Variants in BRIP1 observed in about 807,000 individuals in gnomAD.
BRIP1 encodes the protein Fanconi anemia group J protein.
A neutral mutation model predicts 119.7 loss-of-function variants in BRIP1; 88 were observed. The ratio of observed to expected loss-of-function variants is 0.74; its 90% CI spans 0.62 to 0.88. The LOEUF (loss-of-function observed/expected upper bound fraction) is 0.88, where lower values mean the gene tolerates loss of function less well. Among genes scored for constraint, BRIP1 ranks in the 40% least tolerant of loss-of-function variants. BRIP1 has a pLI of 0.00. For synonymous variants in BRIP1, 443 were observed against 496.5 expected (o/e 0.89, Z 1.43); for missense variants, 1,259 against 1,455.4 (o/e 0.87, Z 2.20).
intron 11 of BRIP1, among the ~76,000 whole-genome samples, chr17:61,782,652 T>TCAA (rs1259049721): frequency 6.6e-6 from 1 of 151,778 alleles, no homozygotes; most frequent in South Asian, 2.1e-4. Flanking sequence ...TAACTACAGC[T>TCAA]CAACAACAAC....
rs531167246 is a variant in BRIP1, at chr17:61,780,530, C to A, written c.1795-129G>T. 1.2e-6 allele frequency: 1 copy of A among 859,632 alleles called. No individual in the cohort carries two copies. Among genetic ancestry groups the A allele is most frequent in the East Asian group, 2.6e-5 (1 of 39,112 alleles). The allele number at this position is 859,632 out of a possible 1,614,324, so 53.3% of individuals were successfully genotyped here. Reference sequence around the variant, plus strand: ...ATCGCTTGAGTCTAGGAGTCTGAGACCAGCCTGGGCAATATGGTGAAACCC... The same window carrying A: ...ATCGCTTGAGTCTAGGAGTCTGAGAACAGCCTGGGCAATATGGTGAAACCC... On this transcript the variant is annotated intron_variant, in intron 12 of 19. Transcript: ENST00000259008. This position sits in a 1 kb window ranked among gnomAD's most constrained non-coding sequence, Gnocchi z 5.4.
chr17:61,772,576 T>C (rs2144981836), intron 14 of BRIP1, among the ~76,000 whole-genome samples: 1 of 152,212 alleles, frequency 6.6e-6, no homozygotes, highest in South Asian at 2.1e-4. Context: ...CCCAGCACTT[T>C]GGGAGGCCAA....
At position 61,757,360 on chromosome 17, in the gene BRIP1, T is replaced by G. The variant is rs949326922; in HGVS notation, c.2098-12769A>C. Among the ~76,000 whole-genome samples the G allele has an allele frequency of 6.6e-6, 1 of 152,152 alleles. No homozygotes were observed. The highest frequency in any genetic ancestry group is 2.4e-5 in the African/African-American group (1 of 41,448). On this transcript the variant is annotated intron_variant, in intron 14 of 19. Coordinates refer to ENST00000259008, the MANE Select transcript of BRIP1 (RefSeq NM_032043.3). The surrounding 1 kb of genome is among the most constrained non-coding windows in gnomAD (Gnocchi z 4.3). The stretch of plus-strand genomic sequence containing the variant: ...GAATCAAACTTTCAATGAACACAGG[T>G]GCAGTTGGAGGTGCACTTGGAGGAA...
In BRIP1 at chr17:61,683,624, T is replaced by G. The variant is rs1034551306; in HGVS notation, c.3422A>C (p.Asp1141Ala). The stretch of plus-strand genomic sequence containing the variant: ...TAGGTCATTTTTTTCTTCATCTGTA[T>G]CTTCAGGATCATAAAGTTCAGGTGT... ...YFTPELYDPE[D>A]TDEEKNDLAE... Residue 1141 changes from aspartate to alanine, a missense_variant, in exon 20 of 20, where the codon GAT becomes GCT. By Grantham distance (126) the Asp-to-Ala change is moderately radical (BLOSUM62 -2). Around this residue, in one of 3 missense-constraint regions of BRIP1, gnomAD observed 753 missense variants for 891.8 expected, o/e 0.84. Transcript: ENST00000259008. The surrounding 1 kb of genome is among the most constrained non-coding windows in gnomAD (Gnocchi z 4.7). 6.2e-7 allele frequency: 1 copy of G among 1,612,434 alleles called. No individual in the cohort carries two copies.
In BRIP1 at chr17:61,832,134, C is replaced by T. The variant is rs575423499; in HGVS notation, c.627+14967G>A. On this transcript the variant is annotated intron_variant, in intron 6 of 19. Coordinates refer to ENST00000259008, the MANE Select transcript of BRIP1 (RefSeq NM_032043.3). The surrounding 1 kb of genome is among the most constrained non-coding windows in gnomAD (Gnocchi z 5.5). ...GGTTCCTTGGAGAAATGTCTGAATC[C>T]GAGACTAGGGCAGGGAAAATATAAG... is the stretch of plus-strand genomic sequence containing the variant. Among the ~76,000 whole-genome samples the T allele has an allele frequency of 6.6e-6, 1 of 152,134 alleles. No homozygotes were observed. Among genetic ancestry groups the T allele is most frequent in the African/African-American group, 2.4e-5 (1 of 41,480 alleles).
rs2077777408 is a variant in BRIP1, at chr17:61,789,126, G to GT, written c.1473+4470dup. On this transcript the variant is annotated intron_variant, in intron 10 of 19. Coordinates refer to ENST00000259008, the MANE Select transcript of BRIP1 (RefSeq NM_032043.3). This position sits in a 1 kb window ranked among gnomAD's most constrained non-coding sequence, Gnocchi z 4.8. ...AATAAAAAAATAAGTAATTAGCCAGGTGTGGTAATGCATGCCTGTAGTCCC... is the reference window on the plus strand; with the variant it reads ...AATAAAAAAATAAGTAATTAGCCAGGTTGTGGTAATGCATGCCTGTAGTCCC... Among the ~76,000 whole-genome samples the GT allele has an allele frequency of 6.6e-6, 1 of 151,838 alleles. No homozygotes were observed. Among genetic ancestry groups the GT allele is most frequent in the Non-Finnish European group, 1.5e-5 (1 of 67,954 alleles).
intron 14 of BRIP1, among the ~76,000 whole-genome samples, chr17:61,772,820 GA>G (rs71355193): frequency 3.8e-3 from 205 of 53,566 alleles, no homozygotes; most frequent in South Asian, 0.01. Context: ...TTCCATCTCA[GA>G]AAAAAAAAAA....
Position 61,858,858 on chromosome 17 carries a change from T to C in BRIP1, c.205+938A>G, listed in dbSNP as rs148192562. Among the ~76,000 whole-genome samples the C allele has an allele frequency of 5.1e-3, 782 of 152,276 alleles. 5 individuals carry two copies. The highest frequency in any genetic ancestry group is 0.01 in the Middle Eastern group (3 of 294). On this transcript the variant is annotated intron_variant, in intron 3 of 19. Coordinates refer to ENST00000259008, the MANE Select transcript of BRIP1 (RefSeq NM_032043.3). Reference sequence around the variant, plus strand: ...TTTCTGATTCATTATGTAGTTTATATAGTCTTTCATAGAAGTAAATATTAA... The same window carrying C: ...TTTCTGATTCATTATGTAGTTTATACAGTCTTTCATAGAAGTAAATATTAA...
At chr17:61,785,898 G>C (rs560737594) in intron 10 of BRIP1, among the ~76,000 whole-genome samples, 1 of 151,806 alleles carries the variant, frequency 6.6e-6, no homozygotes, top group South Asian at 2.1e-4. Flanking sequence ...CTCAATTCCA[G>C]TTAGCTTACC....
rs2077276431 is a variant in BRIP1, at chr17:61,761,492, T to C, written c.2097+14909A>G. ...CTGCCCCTGTTTGCTGAAGACATAA[T>C]CTTATATATAGAAACCCCTAAAGAC... On this transcript the variant is annotated intron_variant, in intron 14 of 19. Transcript: ENST00000259008. This position sits in a 1 kb window ranked among gnomAD's most constrained non-coding sequence, Gnocchi z 6.4. Among the ~76,000 whole-genome samples, 1 of 151,910 alleles carries C rather than the reference T, an allele frequency of 6.6e-6. No homozygotes were observed. Among genetic ancestry groups the C allele is most frequent in the South Asian group, 2.1e-4 (1 of 4,822 alleles).
chr17:61,783,655 C>T (rs1026082670), intron 11 of BRIP1, among the ~76,000 whole-genome samples: 2 of 151,904 alleles, frequency 1.3e-5, no homozygotes, highest in Non-Finnish European at 2.9e-5. Flanking sequence ...TCATTTTCCA[C>T]AGTTCATACA....
Position 61,751,301 on chromosome 17 carries a change from TAGAAC to T in BRIP1, c.2098-6715_2098-6711del, listed in dbSNP as rs2077128096. Among the ~76,000 whole-genome samples, 1 of 152,074 alleles carries T rather than the reference TAGAAC, an allele frequency of 6.6e-6. No homozygotes were observed. Among genetic ancestry groups the T allele is most frequent in the South Asian group, 2.1e-4 (1 of 4,828 alleles). On this transcript the variant is annotated intron_variant, in intron 14 of 19. Coordinates refer to ENST00000259008, the MANE Select transcript of BRIP1 (RefSeq NM_032043.3). This position sits in a 1 kb window ranked among gnomAD's most constrained non-coding sequence, Gnocchi z 6.7. The stretch of plus-strand genomic sequence containing the variant: ...TAGACAAATTCTTAGAGATGGGAAG[TAGAAC>T]AGAGGTTACCAGGGCCTGAGGGAAG...
rs150246080 is a variant in BRIP1, at chr17:61,843,666, T to G, written c.627+3435A>C. On this transcript the variant is annotated intron_variant, in intron 6 of 19. Coordinates refer to ENST00000259008, the MANE Select transcript of BRIP1 (RefSeq NM_032043.3). This position sits in a 1 kb window ranked among gnomAD's most constrained non-coding sequence, Gnocchi z 5.7. ...TCCATGTGACAAGTTTGCTCTCTCTTTGTCTTCTGGCATGCTTGTAAGCTT... is the reference window on the plus strand; with the variant it reads ...TCCATGTGACAAGTTTGCTCTCTCTGTGTCTTCTGGCATGCTTGTAAGCTT... Among the ~76,000 whole-genome samples the G allele has an allele frequency of 5.9e-5, 9 of 152,242 alleles. No individual in the cohort carries two copies. In the East Asian group the frequency reaches 1.7e-3, roughly 29 times the overall value.
At chr17:61,779,506 G>C (rs1318988573) in intron 13 of BRIP1, among the ~76,000 whole-genome samples, 1 of 152,176 alleles carries the variant, frequency 6.6e-6, no homozygotes, top group Non-Finnish European at 1.5e-5. Context: ...CATAATCCCA[G>C]CTACTCAGAA....
chr17:61,780,944 TATC>T lies in BRIP1; in HGVS notation c.1687_1689del (p.Asp563del), dbSNP rs780590493. 6.2e-7 allele frequency: 1 copy of T among 1,614,086 alleles called. No homozygotes were observed. On this transcript the variant is annotated inframe_deletion, in exon 12 of 20. Coordinates refer to ENST00000259008, the MANE Select transcript of BRIP1 (RefSeq NM_032043.3). This position sits in a 1 kb window ranked among gnomAD's most constrained non-coding sequence, Gnocchi z 5.4. Reference sequence around the variant, plus strand: ...ACCAACAACCCATTTTTGTCTGAAATATCAATCTGATTTGTCCAGGAGTAAGTC... The same window carrying T: ...ACCAACAACCCATTTTTGTCTGAAATAATCTGATTTGTCCAGGAGTAAGTC...
In BRIP1 at chr17:61,809,483, T is replaced by C. The variant is rs969816236; in HGVS notation, c.628-726A>G. Among the ~76,000 whole-genome samples, 2 of 152,132 alleles carry C rather than the reference T, an allele frequency of 1.3e-5. No homozygotes were observed. The highest frequency in any genetic ancestry group is 6.5e-5 in the Admixed American group (1 of 15,272). On this transcript the variant is annotated intron_variant, in intron 6 of 19. Coordinates refer to ENST00000259008, the MANE Select transcript of BRIP1 (RefSeq NM_032043.3). This position sits in a 1 kb window ranked among gnomAD's most constrained non-coding sequence, Gnocchi z 5.2. ...CAGTTTCATAACTGAAATAGTTATA[T>C]AAATGTCTCTTTAAACAAACCATAT... is the stretch of plus-strand genomic sequence containing the variant.
Position 61,742,258 on chromosome 17 carries a change from G to A in BRIP1, c.2379+755C>T, listed in dbSNP as rs965877832. ...CTCTGAATTAAGTTTTGGCTTAAGA[G>A]AATGTTACGGACAGTTTGATCTTCT... On this transcript the variant is annotated intron_variant, in intron 16 of 19. Coordinates refer to ENST00000259008, the MANE Select transcript of BRIP1 (RefSeq NM_032043.3). The surrounding 1 kb of genome is among the most constrained non-coding windows in gnomAD (Gnocchi z 4.7). Among the ~76,000 whole-genome samples, 12 of 152,310 alleles carry A rather than the reference G, an allele frequency of 7.9e-5. No homozygotes were observed. Among genetic ancestry groups the A allele is most frequent in the African/African-American group, 2.4e-4 (10 of 41,560 alleles).
rs74268880 is a variant in BRIP1, at chr17:61,780,238, CAAA to C, written c.1935+20_1935+22del. The stretch of plus-strand genomic sequence containing the variant: ...TGAAGTAGAAACACTGAAGGCCTTC[CAAA>C]AAAAAAAACAACAACTAACCTGTGA... On this transcript the variant is annotated intron_variant, in intron 13 of 19. Transcript: ENST00000259008. This position sits in a 1 kb window ranked among gnomAD's most constrained non-coding sequence, Gnocchi z 5.4. 1 of 1,295,780 alleles carries C rather than the reference CAAA, an allele frequency of 7.7e-7. No homozygotes were observed. The highest frequency in any genetic ancestry group is 1.1e-6 in the Non-Finnish European group (1 of 938,752). The allele number at this position is 1,295,780 out of a possible 1,614,324, so 80.3% of individuals were successfully genotyped here. A position where few individuals can be genotyped will look rare whatever the true frequency, so the allele number is the denominator to read the frequency against.
chr17:61,833,990 A>G (rs1757941996), intron 6 of BRIP1, among the ~76,000 whole-genome samples: 1 of 152,228 alleles, frequency 6.6e-6, no homozygotes, highest in South Asian at 2.1e-4. Context: ...CTTTACTGTT[A>G]TAACGCAAAA....
Sources: allele counts gnomAD v4.1 joint callset (sites outside exome capture counted in the v4.1 genomes callset), GRCh38; gene constraint gnomAD v4.1.1; regional missense constraint gnomAD v4.1.1; non-coding constraint Gnocchi (gnomAD v3.1); transcripts MANE v1.5; gene names NCBI Gene and HGNC (gene_info 2026-07-23, HGNC 2026-07-21).